Variants in CHID1 observed in about 807,000 individuals in gnomAD.
CHID1 encodes chitinase domain-containing protein 1.
In CHID1, 44 loss-of-function variants were observed where a neutral mutation model predicts 55.4. The ratio of observed to expected loss-of-function variants is 0.79; its 90% CI spans 0.62 to 1.02. The LOEUF (loss-of-function observed/expected upper bound fraction) is 1.02. CHID1 is among the 50% of genes least tolerant of loss of function. CHID1 has a pLI of 0.00. For missense variants in CHID1, 491 were observed against 515.3 expected, an observed-to-expected ratio of 0.95 and a Z score of 0.46; for synonymous variants, 216 against 212.9, an observed-to-expected ratio of 1.01 and a Z score of -0.13.
chr11:878,886 A>C (rs1051393732), intron 10 of CHID1, among the ~76,000 whole-genome samples: 1 of 150,286 alleles, frequency 6.7e-6, no homozygotes, highest in Non-Finnish European at 1.5e-5. Flanking sequence ...TCACTCTGTC[A>C]CCCAGGCTGG....
In CHID1 at chr11:870,433, G is replaced by C; in HGVS notation, c.1026C>G (p.Phe342Leu). ...AAAACACTCACTTCTTGTACTCGAA[G>C]AAGTGCTCTGAGGCCTGGCTGTCCC... ...MVWDSQASEHFFEYKKSRSGR... is the reference protein window; with the variant it reads ...MVWDSQASEHLFEYKKSRSGR... Residue 342 changes from phenylalanine (F) to leucine (L), a missense_variant, in exon 11 of 13, where the codon TTC becomes TTG. Phe to Leu is a conservative substitution (Grantham distance 22). Coordinates refer to ENST00000323578, the MANE Select transcript of CHID1 (RefSeq NM_023947.4). 2 of 1,611,458 alleles carry C rather than the reference G, an allele frequency of 1.2e-6. No homozygotes were observed. Among genetic ancestry groups the C allele is most frequent in the Non-Finnish European group, 1.7e-6 (2 of 1,178,722 alleles).
intron 1 of CHID1, among the ~76,000 whole-genome samples, chr11:906,193 C>G (rs528879240): frequency 9.9e-5 from 15 of 152,044 alleles, no homozygotes; most frequent in East Asian, 1.9e-4. Context: ...CTCGGCCCCC[C>G]CAAAGTGCTG....
chr11:914,275 C>T (rs1373507361), upstream of CHID1: 5 of 206,816 alleles, frequency 2.4e-5, no homozygotes, highest in Admixed American at 6.1e-5. Flanking sequence ...CTAAACCAGC[C>T]CTCAGCCCCC....
chr11:869,519 A>G lies in CHID1; in HGVS notation c.*339T>C, dbSNP rs776268384. 2.5e-6 allele frequency: 1 copy of G among 399,076 alleles called. No individual in the cohort carries two copies. The highest frequency in any genetic ancestry group is 4.6e-6 in the Non-Finnish European group (1 of 217,226). 24.7% of individuals were successfully genotyped at this position (399,076 alleles called of 1,614,324 possible). On this transcript the variant is annotated 3_prime_UTR_variant, in exon 13 of 13. Coordinates refer to ENST00000323578, the MANE Select transcript of CHID1 (RefSeq NM_023947.4). The stretch of plus-strand genomic sequence containing the variant: ...GGATGGTTCCAGAGCTTCCAAACCC[A>G]CATCCAGCCCAGGATGTGAGAAGCA...
chr11:878,253 A>G (rs144863586), intron 10 of CHID1, among the ~76,000 whole-genome samples: 4,627 of 152,296 alleles, frequency 0.03, 140 homozygotes, highest in Admixed American at 0.083. Flanking sequence ...GTCTCTACTA[A>G]AAATATAAAA....
At chr11:910,937 TCGGGGCCGGGGC>T (rs1241404096), upstream of CHID1, 8,508 of 592,286 alleles carry the variant, frequency 0.014, 113 homozygotes, top group Admixed American at 0.021. Flanking sequence ...TGCCCGAAAG[TCGGGGCCGGGGC>T]CGGGGCCGGG....
Position 904,837 on chromosome 11 carries a change from G to C in CHID1, c.-21C>G. The C allele has an allele frequency of 6.2e-7, 1 of 1,613,422 alleles. No homozygotes were observed. ...CGCATGGTAGGTGTGTCACAGTAGG[G>C]TCCAACCTCGGGGTCCAGAGGGCTG... On this transcript the variant is annotated 5_prime_UTR_variant, in exon 2 of 13. Transcript: ENST00000323578.
intron 10 of CHID1, among the ~76,000 whole-genome samples, chr11:876,461 C>A (rs1849521930): frequency 6.6e-6 from 1 of 152,186 alleles, no homozygotes. Context: ...ACGGCCCCTC[C>A]ACCGTGCAGA....
intron 7 of CHID1, among the ~76,000 whole-genome samples, chr11:897,633 G>C (rs1423294350): frequency 6.6e-6 from 1 of 152,220 alleles, no homozygotes; most frequent in African/African-American, 2.4e-5. Context: ...GCTCCCCATA[G>C]CCTTGCGGAC....
At chr11:901,128 G>A (rs1006252367) in intron 4 of CHID1, 148 bp from the exon 5 acceptor site, 15 of 628,356 alleles carry the variant, frequency 2.4e-5, no homozygotes, top group Non-Finnish European at 4.0e-5. Flanking sequence ...ACCCCTCCCT[G>A]GCCCAGGGCT....
intron 7 of CHID1, 22 bp from the exon 8 acceptor site, chr11:893,541 G>C: frequency 6.5e-7 from 1 of 1,531,606 alleles, no homozygotes; most frequent in Non-Finnish European, 8.8e-7. Context: ...GAGAGATGGG[G>C]TCAGCAGTGC....
upstream of CHID1, among the ~76,000 whole-genome samples, chr11:912,249 C>G (rs898389414): frequency 3.9e-5 from 6 of 152,244 alleles, no homozygotes; most frequent in East Asian, 1.2e-3. Flanking sequence ...ACCTGGGAGG[C>G]TGAAGTTGCA....
At position 900,936 on chromosome 11, in the gene CHID1, C is replaced by T; in HGVS notation, c.439G>A (p.Val147Met). 1.2e-6 allele frequency: 2 copies of T among 1,602,460 alleles called. No individual in the cohort carries two copies. Among genetic ancestry groups the T allele is most frequent in the East Asian group, 2.3e-5 (1 of 43,414 alleles). ...VRKHAKGLHI[V>M]PRLLFEDWTY... ...TCCACTCCTGGCCTGCCGCACTTAC[C>T]TATGTGCAGGCCCTTGGCATGCTTC... Residue 147 changes from valine to methionine, a missense_variant and splice_region_variant, in exon 5 of 13, where the codon GTG becomes ATG. Physicochemically the swap from Val to Met is conservative, Grantham distance 21. Coordinates refer to ENST00000323578, the MANE Select transcript of CHID1 (RefSeq NM_023947.4).
At position 870,143 on chromosome 11, in the gene CHID1, A is replaced by G; in HGVS notation, c.1061T>C (p.Val354Ala). The G allele has an allele frequency of 6.2e-7, 1 of 1,613,032 alleles. No homozygotes were observed. The change falls in exon 12 of 13, where the codon GTC becomes GCC. Residue 354 changes from valine (V) to alanine (A), a missense_variant. Transcript: ENST00000323578. ...CACCTTCAGGGTTGGGTAGAAGACG[A>G]CGTGCCTCCCACTGCGGCTCCTGCA... is the stretch of plus-strand genomic sequence containing the variant. ...EYKKSRSGRH[V>A]VFYPTLKSLQ...
chr11:913,770 TAAAA>T (rs1243207603), upstream of CHID1, among the ~76,000 whole-genome samples: 1 of 115,072 alleles, frequency 8.7e-6, no homozygotes, highest in Non-Finnish European at 1.8e-5. Flanking sequence ...GAGACTCTGT[TAAAA>T]AAAAAAAAGG....
At chr11:896,516 C>T (rs1296240810) in intron 7 of CHID1, among the ~76,000 whole-genome samples, 7 of 131,514 alleles carry the variant, frequency 5.3e-5, no homozygotes, top group Admixed American at 7.2e-5. Context: ...TCAGCACCCC[C>T]AGCCTCCACC....
At chr11:886,378 G>C (rs1463692599) in intron 8 of CHID1, among the ~76,000 whole-genome samples, 1 of 151,838 alleles carries the variant, frequency 6.6e-6, no homozygotes, top group Non-Finnish European at 1.5e-5. Context: ...AGGATGGCTT[G>C]AGCCCAGGAG....
At chr11:911,053 C>G (rs895306591), upstream of CHID1, 2 of 153,184 alleles carry the variant, frequency 1.3e-5, no homozygotes, top group African/African-American at 4.8e-5. Flanking sequence ...TATCAGGTTC[C>G]CGGCCCAGGG....
intron 8 of CHID1, among the ~76,000 whole-genome samples, chr11:890,826 A>C (rs546101900): frequency 6.6e-6 from 1 of 152,268 alleles, no homozygotes; most frequent in East Asian, 1.9e-4. Context: ...GGTCTGTGGC[A>C]GCTGAGTTAG....
Sources: gnomAD v4.1 joint callset for allele counts (sites outside exome capture counted in the v4.1 genomes callset) on GRCh38, gnomAD v4.1.1 for gene constraint, MANE v1.5 for transcripts, NCBI Gene and HGNC (gene_info 2026-07-23, HGNC 2026-07-21) for gene names.